MYH11: variants seen among roughly 807,000 people sequenced by gnomAD.
MYH11 encodes the protein myosin-11.
MYH11 carries 80 observed loss-of-function variants against 246.6 expected under a neutral mutation model. That is an observed-to-expected ratio of 0.32 (90% CI 0.27 to 0.39). MYH11 has a LOEUF of 0.39. MYH11 is among the 10% of genes least tolerant of loss of function. The pLI is 1.00. For synonymous variants in MYH11, 1,071 were observed against 1,015.5 expected (o/e 1.05, Z -1.04); for missense variants, 2,158 against 2,546.8 (o/e 0.85, Z 3.29).
chr16:15,719,266 C>T lies in MYH11; in HGVS notation c.5125G>A (p.Glu1709Lys), dbSNP rs769202751. The T allele has an allele frequency of 6.2e-7, 1 of 1,613,326 alleles. No individual in the cohort carries two copies. Among genetic ancestry groups the T allele is most frequent in the Non-Finnish European group, 8.5e-7 (1 of 1,180,032 alleles). The change falls in exon 36 of 41, where the codon GAG (glutamate) becomes AAG (lysine). Residue 1709 changes from glutamate (E) to lysine (K), a missense_variant. Glu to Lys is a moderately conservative substitution (Grantham distance 56). Around this residue, in one of 11 missense-constraint regions of MYH11, gnomAD observed 1,013 missense variants for 993.5 expected, o/e 1.02. Coordinates refer to ENST00000300036, the MANE Select transcript of MYH11 (RefSeq NM_002474.3). The part of the protein sequence containing the change: ...AERARKQADL[E>K]KEELAEELAS... ...AGCTCCTCTGCCAGTTCCTCCTTCTCGAGGTCCGCTTGTTTGCGAGCCCTC... is the reference window on the plus strand; with the variant it reads ...AGCTCCTCTGCCAGTTCCTCCTTCTTGAGGTCCGCTTGTTTGCGAGCCCTC...
intron 9 of MYH11, among the ~76,000 whole-genome samples, chr16:15,767,297 T>C (rs2042005303): frequency 6.6e-6 from 1 of 152,102 alleles, no homozygotes; most frequent in Non-Finnish European, 1.5e-5. Context: ...AGTTTCCCTA[T>C]CTGCAAAACG....
At chr16:15,786,777 C>A in intron 4 of MYH11, 45 bp from the exon 5 acceptor site, 1 of 1,539,424 alleles carries the variant, frequency 6.5e-7, no homozygotes, top group Non-Finnish European at 9.0e-7. Context: ...TCCATGGTGA[C>A]CTTTCCGCAG....
chr16:15,855,765 T>C (rs1361112231), intron 1 of MYH11, among the ~76,000 whole-genome samples: 2 of 152,246 alleles, frequency 1.3e-5, no homozygotes, highest in Non-Finnish European at 2.9e-5. Flanking sequence ...GTTCCGTCTC[T>C]GAACAATTCT....
At chr16:15,763,741 T>TCGGGGGCC in intron 10 of MYH11, 55 bp downstream of exon 10, 8 of 646,854 alleles carry the variant, frequency 1.2e-5, no homozygotes, top group Admixed American at 4.2e-5. Flanking sequence ...AAATGTCACC[T>TCGGGGGCC]CCCCCACCCC....
Position 15,737,519 on chromosome 16 carries a change from G to C in MYH11, c.3223C>G (p.Gln1075Glu). 6.2e-7 allele frequency: 1 copy of C among 1,613,978 alleles called. No individual in the cohort carries two copies. Among genetic ancestry groups the C allele is most frequent in the Non-Finnish European group, 8.5e-7 (1 of 1,180,028 alleles). ...ATCTTGAGCTCTGCGATCTGCGCCT[G>C]GAGGTCAGCGATCTGCTCGTGGAAG... ...SDFHEQIADLQAQIAELKMQL... is the reference protein window; with the variant it reads ...SDFHEQIADLEAQIAELKMQL... Residue 1075 changes from glutamine to glutamate, a missense_variant, in exon 25 of 41, where the codon CAG (glutamine) becomes GAG (glutamate). This residue lies in a region of MYH11 where 284 missense variants were observed against 315.4 expected (regional missense o/e 0.90). Transcript: ENST00000300036.
At chr16:15,794,017 A>C (rs8048499) in intron 4 of MYH11, among the ~76,000 whole-genome samples, 59,702 of 136,652 alleles carry the variant, frequency 0.44, 13,623 homozygotes, top group African/African-American at 0.63. Flanking sequence ...GATCTCTGCT[A>C]ACTGCAAGCC....
intron 4 of MYH11, among the ~76,000 whole-genome samples, chr16:15,788,553 A>G (rs66459930): frequency 0.12 from 18,885 of 151,842 alleles, 1,940 homozygotes; most frequent in African/African-American, 0.28. Flanking sequence ...AAGAAAGAGA[A>G]AGAAAAAAAA....
At chr16:15,745,260 T>G in intron 19 of MYH11, 23 bp from the exon 20 acceptor site, 5 of 1,326,762 alleles carry the variant, frequency 3.8e-6, no homozygotes, top group Non-Finnish European at 4.3e-6. Context: ...GAAGAGAAGG[T>G]GCGGGGGTCA....
intron 9 of MYH11, among the ~76,000 whole-genome samples, chr16:15,766,587 G>A (rs557781077): frequency 8.6e-4 from 131 of 152,210 alleles, no homozygotes; most frequent in African/African-American, 3.1e-3. Context: ...GGCCAGGCTG[G>A]TCTCAAACTC....
intron 9 of MYH11, among the ~76,000 whole-genome samples, chr16:15,769,819 GT>G (rs1160695173): frequency 6.6e-6 from 1 of 151,808 alleles, no homozygotes; most frequent in Non-Finnish European, 1.5e-5. Context: ...GTTTGTTCCA[GT>G]TTTTTTCTAT....
chr16:15,760,517 A>G (rs759220075), intron 11 of MYH11, 23 bp downstream of exon 11: 10 of 1,530,372 alleles, frequency 6.5e-6, no homozygotes, highest in African/African-American at 2.7e-5. Context: ...GCATGGATGG[A>G]TAAGTGATAA....
chr16:15,741,050 G>A, intron 22 of MYH11: 1 of 344,972 alleles, frequency 2.9e-6, no homozygotes, highest in South Asian at 2.5e-5. Context: ...TCAGATGACT[G>A]CAGCCTCAGC....
At chr16:15,785,957 A>G (rs1220759451) in intron 5 of MYH11, 2 of 173,958 alleles carry the variant, frequency 1.1e-5, no homozygotes, top group African/African-American at 4.8e-5. Flanking sequence ...CCAGGTCCCC[A>G]CCCCAAGTGG....
intron 9 of MYH11, among the ~76,000 whole-genome samples, chr16:15,765,020 A>AT (rs1258772302): frequency 6.6e-6 from 1 of 152,248 alleles, no homozygotes; most frequent in Non-Finnish European, 1.5e-5. Flanking sequence ...TGAAATCCCC[A>AT]TAAGACCATG....
intron 31 of MYH11, among the ~76,000 whole-genome samples, chr16:15,723,643 C>G (rs2040598257): frequency 6.6e-6 from 1 of 152,122 alleles, no homozygotes; most frequent in Non-Finnish European, 1.5e-5. Flanking sequence ...TAGATCCTGT[C>G]TCAAAATAAG....
At chr16:15,764,297 AC>A (rs1299715374) in intron 9 of MYH11, among the ~76,000 whole-genome samples, 1 of 152,130 alleles carries the variant, frequency 6.6e-6, no homozygotes, top group Non-Finnish European at 1.5e-5. Context: ...TGTGTTAGCA[AC>A]CCCTGCCACA....
At chr16:15,704,972 C>A (rs79741230) in intron 40 of MYH11, among the ~76,000 whole-genome samples, 1 of 152,162 alleles carries the variant, frequency 6.6e-6, no homozygotes, top group Non-Finnish European at 1.5e-5. Flanking sequence ...GGCCACCACA[C>A]CTGGCCTTCA....
intron 32 of MYH11, 154 bp from the exon 33 acceptor site, chr16:15,721,205 A>G: frequency 1.0e-6 from 1 of 979,416 alleles, no homozygotes; most frequent in Non-Finnish European, 1.5e-6. Flanking sequence ...CTGAGAGTTC[A>G]GACCCCAGCC....
chr16:15,706,203 G>A (rs1032785769), intron 40 of MYH11, among the ~76,000 whole-genome samples: 2 of 152,156 alleles, frequency 1.3e-5, no homozygotes, highest in Non-Finnish European at 2.9e-5. Flanking sequence ...GCTTCACAGA[G>A]AAGCTTCTGG....
Sources: gnomAD v4.1 joint callset for allele counts (sites outside exome capture counted in the v4.1 genomes callset) on GRCh38, gnomAD v4.1.1 for gene constraint, gnomAD v4.1.1 regional missense constraint, MANE v1.5 for transcripts, NCBI Gene and HGNC (gene_info 2026-07-23, HGNC 2026-07-21) for gene names.